GRM7: variants seen among roughly 807,000 people sequenced by gnomAD.
GRM7 encodes metabotropic glutamate receptor 7.
A neutral mutation model predicts 84.5 loss-of-function variants in GRM7; 35 were observed. The ratio of observed to expected loss-of-function variants is 0.41; its 90% confidence interval spans 0.32 to 0.55. The LOEUF is 0.55. Among genes scored for constraint, GRM7 ranks in the 20% least tolerant of loss-of-function variants. The probability of loss-of-function intolerance (pLI) is 0.19; values close to 1 mark genes in which losing one functional copy is unlikely to be tolerated. For missense variants in GRM7, 1,003 were observed against 1,194.6 expected (o/e 0.84, Z 2.36); for synonymous variants, 487 against 455.1 (o/e 1.07, Z -0.89).
At position 7,680,044 on chromosome 3, in the gene GRM7, C is replaced by G; in HGVS notation, c.2452-5C>G. On this transcript the variant is annotated splice_region_variant and splice_polypyrimidine_tract_variant and intron_variant, in intron 8 of 9. Coordinates refer to ENST00000357716, the MANE Select transcript of GRM7 (RefSeq NM_000844.4). ...TAATAGTGCCTTGTGTGTTGTGTCT[C>G]CTAGCTCTACATACAAACTACCACG... is the stretch of plus-strand genomic sequence containing the variant. The G allele has an allele frequency of 6.2e-7, 1 of 1,613,892 alleles. No homozygotes were observed. The highest frequency in any genetic ancestry group is 8.5e-7 in the Non-Finnish European group (1 of 1,179,842).
At chr3:7,229,753 A>ATTTTTT (rs1179627514) in intron 2 of GRM7, among the ~76,000 whole-genome samples, 3 of 29,296 alleles carry the variant, frequency 1.0e-4, no homozygotes, top group African/African-American at 3.9e-4. Flanking sequence ...ATATATATAT[A>ATTTTTT]TATATATTTT....
chr3:7,019,292 C>T (rs907833855), intron 1 of GRM7, among the ~76,000 whole-genome samples: 2 of 152,092 alleles, frequency 1.3e-5, no homozygotes, highest in African/African-American at 2.4e-5. Flanking sequence ...TGTATCGATA[C>T]ATCATTATCA....
intron 1 of GRM7, among the ~76,000 whole-genome samples, chr3:6,869,087 A>G (rs761739464): frequency 6.6e-6 from 1 of 152,112 alleles, no homozygotes; most frequent in Non-Finnish European, 1.5e-5. Flanking sequence ...TGTGTTCTGA[A>G]GGGGTTAGCT....
At chr3:7,185,073 C>T (rs1695469144) in intron 2 of GRM7, among the ~76,000 whole-genome samples, 1 of 152,112 alleles carries the variant, frequency 6.6e-6, no homozygotes. Context: ...TTTGGAAAGT[C>T]AAAATGGCTT....
At chr3:6,950,792 G>A (rs914092340) in intron 1 of GRM7, among the ~76,000 whole-genome samples, 2 of 152,214 alleles carry the variant, frequency 1.3e-5, no homozygotes, top group African/African-American at 4.8e-5. Flanking sequence ...CTGCCTTGCA[G>A]TTTGATCTCA....
At chr3:7,706,985 T>C (rs1701411005) in intron 9 of GRM7, among the ~76,000 whole-genome samples, 1 of 123,540 alleles carries the variant, frequency 8.1e-6, no homozygotes, top group Non-Finnish European at 1.7e-5. Context: ...AATATACCAG[T>C]AACATCAAAA....
intron 5 of GRM7, among the ~76,000 whole-genome samples, chr3:7,446,423 G>T (rs1697509190): frequency 1.3e-5 from 2 of 148,926 alleles, no homozygotes; most frequent in South Asian, 2.1e-4. Flanking sequence ...TTTGAAACAC[G>T]ATTTTGTTGT....
intron 4 of GRM7, among the ~76,000 whole-genome samples, chr3:7,403,626 T>G (rs1462213369): frequency 1.9e-5 from 2 of 104,750 alleles, no homozygotes; most frequent in South Asian, 8.1e-4. Context: ...AATTCTGATA[T>G]ATATATATAT....
intron 4 of GRM7, among the ~76,000 whole-genome samples, chr3:7,351,308 A>G (rs1693128915): frequency 7.2e-6 from 1 of 138,398 alleles, no homozygotes; most frequent in African/African-American, 2.7e-5. Flanking sequence ...TTTTCTCCCA[A>G]TATTCACTCA....
chr3:7,266,519 A>G (rs1456540746), intron 2 of GRM7, among the ~76,000 whole-genome samples: 1 of 152,230 alleles, frequency 6.6e-6, no homozygotes, highest in African/African-American at 2.4e-5. Context: ...TACATGCAAC[A>G]AACAAATCTC....
chr3:7,594,552 T>C (rs1156509619), intron 8 of GRM7, among the ~76,000 whole-genome samples: 1 of 152,126 alleles, frequency 6.6e-6, no homozygotes, highest in Non-Finnish European at 1.5e-5. Context: ...CCATCCTCTA[T>C]GTAAATACAA....
chr3:7,028,217 C>T (rs1013358579), intron 1 of GRM7, among the ~76,000 whole-genome samples: 1 of 152,172 alleles, frequency 6.6e-6, no homozygotes, highest in Non-Finnish European at 1.5e-5. Context: ...TGTGCATCTG[C>T]CTGACTCCTG....
intron 7 of GRM7, among the ~76,000 whole-genome samples, chr3:7,532,907 A>G (rs1189117577): frequency 6.6e-6 from 1 of 150,908 alleles, no homozygotes; most frequent in Non-Finnish European, 1.5e-5. Flanking sequence ...GAATGGCATT[A>G]CTTACATAAT....
chr3:7,617,932 C>T (rs1214970156), intron 8 of GRM7, among the ~76,000 whole-genome samples: 1 of 152,048 alleles, frequency 6.6e-6, no homozygotes, highest in Non-Finnish European at 1.5e-5. Flanking sequence ...ATTAAAAGTG[C>T]CAGTCCTGGA....
intron 1 of GRM7, among the ~76,000 whole-genome samples, chr3:6,946,761 C>T (rs1487248966): frequency 6.6e-6 from 1 of 151,166 alleles, no homozygotes; most frequent in Non-Finnish European, 1.5e-5. Flanking sequence ...AGTTCTAGGT[C>T]CTTCACATCC....
At chr3:7,054,907 G>A (rs564361469) in intron 1 of GRM7, among the ~76,000 whole-genome samples, 5 of 151,942 alleles carry the variant, frequency 3.3e-5, no homozygotes, top group Non-Finnish European at 7.4e-5. Flanking sequence ...CTTGTGGTAT[G>A]TTCTAGAATC....
rs114037069 is a variant in GRM7, at chr3:6,877,912, C to T, written c.519+16005C>T. Among the ~76,000 whole-genome samples, 943 of 150,050 alleles carry T rather than the reference C, an allele frequency of 6.3e-3. 11 individuals are homozygous for T. Among genetic ancestry groups the T allele is most frequent in the African/African-American group, 0.022 (881 of 40,750 alleles). On this transcript the variant is annotated intron_variant, in intron 1 of 9. Transcript: ENST00000357716. ...GTTAGTAGCTCTGTATACACATAAG[C>T]AGGAAAGTAGCTGATCAGATTTAAC...
chr3:7,091,115 A>G (rs1698647718), intron 1 of GRM7, among the ~76,000 whole-genome samples: 1 of 151,936 alleles, frequency 6.6e-6, no homozygotes, highest in Non-Finnish European at 1.5e-5. Context: ...GTACAAGTTG[A>G]GTGATATAAA....
At chr3:7,460,389 A>AT (rs1698196722) in intron 6 of GRM7, among the ~76,000 whole-genome samples, 1 of 123,030 alleles carries the variant, frequency 8.1e-6, no homozygotes, top group Non-Finnish European at 2.1e-5. Flanking sequence ...CACTATAAAC[A>AT]ATTTTTTTTT....
Sources: allele counts gnomAD v4.1 joint callset (sites outside exome capture counted in the v4.1 genomes callset), GRCh38; gene constraint gnomAD v4.1.1; transcripts MANE v1.5; gene names NCBI Gene and HGNC (gene_info 2026-07-23, HGNC 2026-07-21).